The following ITGB3 variants were observed in gnomAD, a reference collection of about 807,000 sequenced individuals.
The protein encoded by ITGB3 is integrin subunit beta 3.
ITGB3 carries 48 observed loss-of-function variants against 85.8 expected under a neutral mutation model. The observed-to-expected ratio is 0.56, with a 90% CI of 0.44 to 0.71. The LOEUF is 0.71. Ranked by LOEUF, ITGB3 falls within the 30% of genes least tolerant of loss-of-function variation. ITGB3 has a pLI of 0.00. For missense variants in ITGB3, 861 were observed against 1,019.1 expected (o/e 0.84, Z 2.11); for synonymous variants, 363 against 395.6 (o/e 0.92, Z 0.98).
intron 13 of ITGB3, among the ~76,000 whole-genome samples, chr17:47,305,006 C>T (rs2065182111): frequency 6.6e-6 from 1 of 152,198 alleles, no homozygotes; most frequent in South Asian, 2.1e-4. Context: ...GCTGGAAGGG[C>T]CCTCCAGAGG....
At position 47,292,519 on chromosome 17, in the gene ITGB3, C is replaced by T. The variant is rs185135224; in HGVS notation, c.1641C>T (p.Cys547=). ...TTGGCAAGATCACGGGCAAGTACTG[C>T]GAGTGTGACGACTTCTCCTGTGTCC... is the stretch of plus-strand genomic sequence containing the variant. ...SDFGKITGKY[C]ECDDFSCVRY... is the part of the protein sequence containing the mutation. The change falls in exon 10 of 15, where the codon TGC becomes TGT. Residue 547 remains cysteine, a synonymous_variant. Transcript: ENST00000559488. 130 of 1,604,886 alleles carry T rather than the reference C, an allele frequency of 8.1e-5. 3 individuals are homozygous for T. The East Asian group carries it at 1.5e-3, about 19-fold the overall frequency.
intron 13 of ITGB3, among the ~76,000 whole-genome samples, chr17:47,305,327 T>C (rs976970440): frequency 4.6e-5 from 7 of 152,182 alleles, no homozygotes; most frequent in African/African-American, 1.7e-4. Context: ...GGTTGGGAGA[T>C]AGCCAGCTTG....
Position 47,308,189 on chromosome 17 carries a change from A to AT in ITGB3, c.2301+552_2301+553insT, listed in dbSNP as rs1555574002. 1.9e-4 allele frequency among the ~76,000 whole-genome samples: 25 copies of AT among 134,238 alleles called. No homozygotes were observed. In the East Asian group the frequency reaches 2.6e-3, roughly 14 times the overall value. 88.1% of individuals were successfully genotyped at this position (134,238 alleles called of 152,430 possible). A position where few individuals can be genotyped will look rare whatever the true frequency, so the allele number is the denominator to read the frequency against. Reference sequence around the variant, plus strand: ...AATAATAATAATAATAATAATAATAAAATAAAATAAAAGGTTACTTCCAAA... The same window carrying AT: ...AATAATAATAATAATAATAATAATAATAATAAAATAAAAGGTTACTTCCAAA... On this transcript the variant is annotated intron_variant, in intron 14 of 14. Coordinates refer to ENST00000559488, the MANE Select transcript of ITGB3 (RefSeq NM_000212.3).
chr17:47,286,159 G>A (rs2065101607), intron 4 of ITGB3, 101 bp from the exon 5 acceptor site: 3 of 1,350,084 alleles, frequency 2.2e-6, no homozygotes, highest in Non-Finnish European at 2.1e-6. Context: ...AACTGGCCTT[G>A]GCATACCACT....
chr17:47,283,555 G>T lies in ITGB3; in HGVS notation c.361+6G>T, dbSNP rs1481993523. 1 of 1,614,134 alleles carries T rather than the reference G, an allele frequency of 6.2e-7. No individual in the cohort carries two copies. On this transcript the variant is annotated splice_donor_region_variant and intron_variant, in intron 3 of 14. Transcript: ENST00000559488. ...TGCACTCCGGCTCCGGCCAGGTAGG[G>T]CTGGGACTCTTTGCGGGGAGAGACC...
intron 2 of ITGB3, among the ~76,000 whole-genome samples, chr17:47,282,037 C>T (rs1387577140): frequency 6.6e-6 from 1 of 152,194 alleles, no homozygotes; most frequent in Non-Finnish European, 1.5e-5. Context: ...CAACCTCCAC[C>T]TCCCAGGTTT....
At chr17:47,264,106 A>G (rs1567759392) in intron 1 of ITGB3, among the ~76,000 whole-genome samples, 1 of 152,192 alleles carries the variant, frequency 6.6e-6, no homozygotes, top group East Asian at 1.9e-4. Context: ...GGTTGAAACA[A>G]CTGAGGCCTG....
At position 47,313,305 on chromosome 17, in the gene ITGB3, C is replaced by T. The variant is rs992982009; in HGVS notation, c.*3101C>T. Reference sequence around the variant, plus strand: ...CCATGATTTTAATGGGGTCCAAAGGCCTCTTTTTCTTTGTTAAGTATTCCT... The same window carrying T: ...CCATGATTTTAATGGGGTCCAAAGGTCTCTTTTTCTTTGTTAAGTATTCCT... On this transcript the variant is annotated 3_prime_UTR_variant, in exon 15 of 15. Transcript: ENST00000559488. 3.3e-5 allele frequency among the ~76,000 whole-genome samples: 5 copies of T among 151,302 alleles called. No individual in the cohort carries two copies. The highest frequency in any genetic ancestry group is 6.6e-5 in the Admixed American group (1 of 15,204).
chr17:47,296,136 T>C (rs1336735055), intron 10 of ITGB3, among the ~76,000 whole-genome samples: 1 of 152,208 alleles, frequency 6.6e-6, no homozygotes, highest in Non-Finnish European at 1.5e-5. Flanking sequence ...CTAGGGAACC[T>C]AGCCTCGGGA....
intron 11 of ITGB3, 128 bp from the exon 12 acceptor site, chr17:47,300,344 CGCGTGT>C (rs2065161995): frequency 1.2e-5 from 8 of 690,238 alleles, no homozygotes; most frequent in South Asian, 7.5e-5. Context: ...GGCGCGCGCG[CGCGTGT>C]GTGTGTGTGT....
rs931361999 is a variant in ITGB3, at chr17:47,299,857, T to G, written c.1913+327T>G. Among the ~76,000 whole-genome samples the G allele has an allele frequency of 2.6e-5, 4 of 152,118 alleles. No individual in the cohort carries two copies. Among genetic ancestry groups the G allele is most frequent in the Admixed American group, 2.6e-4 (4 of 15,280 alleles). ...GCTAATGTTCTGATTCAGTGGGAGATGTGAGGGCTGGAATTATGGAGGACA... is the reference window on the plus strand; with the variant it reads ...GCTAATGTTCTGATTCAGTGGGAGAGGTGAGGGCTGGAATTATGGAGGACA... On this transcript the variant is annotated intron_variant, in intron 11 of 14. Transcript: ENST00000559488. The surrounding 1 kb of genome is among the most constrained non-coding windows in gnomAD (Gnocchi z 5.1).
chr17:47,263,896 C>T (rs1021175007), intron 1 of ITGB3, among the ~76,000 whole-genome samples: 3 of 152,182 alleles, frequency 2.0e-5, no homozygotes, highest in African/African-American at 7.2e-5. Context: ...AGACAAAAAT[C>T]CTTCCTGTTT....
intron 2 of ITGB3, among the ~76,000 whole-genome samples, chr17:47,278,244 C>T (rs939654728): frequency 1.3e-5 from 2 of 152,086 alleles, no homozygotes; most frequent in African/African-American, 2.4e-5. Flanking sequence ...TATTGACTCT[C>T]GCTCTCCAAG....
intron 1 of ITGB3, among the ~76,000 whole-genome samples, chr17:47,266,803 A>C (rs2065027308): frequency 6.6e-6 from 1 of 152,112 alleles, no homozygotes; most frequent in Non-Finnish European, 1.5e-5. Flanking sequence ...ACTAGTCGCC[A>C]ACTACTGGGC....
At chr17:47,285,760 A>G (rs1190815702) in intron 4 of ITGB3, among the ~76,000 whole-genome samples, 4 of 152,224 alleles carry the variant, frequency 2.6e-5, no homozygotes, top group African/African-American at 9.7e-5. Flanking sequence ...TGCATGATCT[A>G]TCAATTTATT....
In ITGB3 at chr17:47,255,994, AATAC is replaced by A. The variant is rs571438201; in HGVS notation, c.79+2058_79+2061del. On this transcript the variant is annotated intron_variant, in intron 1 of 14. Transcript: ENST00000559488. ...AAATAAATAAATAAATAAATAAATA[AATAC>A]ATAATTAAAAAAAGGGTATCCTTGT... Among the ~76,000 whole-genome samples the A allele has an allele frequency of 7.0e-3, 1,061 of 151,920 alleles. 10 individuals are homozygous for A. Among genetic ancestry groups the A allele is most frequent in the African/African-American group, 0.024 (995 of 41,408 alleles).
chr17:47,299,401 C>T lies in ITGB3; in HGVS notation c.1784C>T (p.Ser595Phe), dbSNP rs753229335. Residue 595 changes from serine to phenylalanine, a missense_variant, in exon 11 of 15, where the codon TCC (serine) becomes TTC (phenylalanine). Coordinates refer to ENST00000559488, the MANE Select transcript of ITGB3 (RefSeq NM_000212.3). The surrounding 1 kb of genome is among the most constrained non-coding windows in gnomAD (Gnocchi z 5.1). ...ACCACGCGTACTGACACCTGCATGT[C>T]CAGCAATGGGCTGCTGTGCAGCGGC... ...NCTTRTDTCM[S>F]SNGLLCSGRG... 5 of 1,614,122 alleles carry T rather than the reference C, an allele frequency of 3.1e-6. No homozygotes were observed. In the Admixed American group the frequency reaches 6.7e-5, roughly 22 times the overall value.
intron 10 of ITGB3, among the ~76,000 whole-genome samples, chr17:47,294,850 G>C (rs1297366326): frequency 3.3e-5 from 5 of 152,208 alleles, no homozygotes; most frequent in African/African-American, 1.2e-4. Flanking sequence ...AGGGGCTCAG[G>C]AGGCAGGTGT....
In ITGB3 at chr17:47,310,344, G is replaced by A. The variant is rs1353559762; in HGVS notation, c.*140G>A. The A allele has an allele frequency of 1.3e-6, 1 of 763,998 alleles. No homozygotes were observed. Among genetic ancestry groups the A allele is most frequent in the African/African-American group, 1.7e-5 (1 of 58,396 alleles). The allele number at this position is 763,998 out of a possible 1,614,324, so 47.3% of individuals were successfully genotyped here. On this transcript the variant is annotated 3_prime_UTR_variant, in exon 15 of 15. Transcript: ENST00000559488. ...GTAGGTTGGGAGAATGTCAGTATGT[G>A]GAAGTGTGGGTCTGTGTGTGTGTAT...
Sources: gnomAD v4.1 joint callset for allele counts (sites outside exome capture counted in the v4.1 genomes callset) on GRCh38, gnomAD v4.1.1 for gene constraint, Gnocchi (gnomAD v3.1) non-coding constraint, MANE v1.5 for transcripts, NCBI Gene and HGNC (gene_info 2026-07-23, HGNC 2026-07-21) for gene names.